Variants in IMMP1L observed in about 807,000 individuals in gnomAD.
The protein encoded by IMMP1L is mitochondrial inner membrane protease subunit 1.
IMMP1L carries 24 observed loss-of-function variants against 21.8 expected under a neutral mutation model. That is an observed-to-expected ratio of 1.10 (90% CI 0.80 to 1.55). IMMP1L has a LOEUF of 1.55. Among genes scored for constraint, IMMP1L ranks in the 40% most tolerant of loss-of-function variants. The pLI is 0.00. For missense variants in IMMP1L, 195 were observed against 200.7 expected (o/e 0.97, Z 0.17); for synonymous variants, 46 against 62.8 (o/e 0.73, Z 1.26).
intron 1 of IMMP1L, among the ~76,000 whole-genome samples, chr11:31,487,015 T>C (rs192974620): frequency 6.6e-6 from 1 of 151,860 alleles, no homozygotes; most frequent in Admixed American, 6.6e-5. Context: ...CAAAGATGTA[T>C]GCTAAATATT....
At chr11:31,470,438 A>C (rs192575876) in intron 1 of IMMP1L, among the ~76,000 whole-genome samples, 7 of 152,156 alleles carry the variant, frequency 4.6e-5, no homozygotes, top group African/African-American at 1.4e-4. Context: ...AAAAAACAAA[A>C]AAAAAAAGAA....
At chr11:31,450,398 G>C (rs1470000995) in intron 4 of IMMP1L, among the ~76,000 whole-genome samples, 1 of 131,470 alleles carries the variant, frequency 7.6e-6, no homozygotes, top group Non-Finnish European at 1.5e-5. Context: ...CAATACTTTA[G>C]GAGACTTAAT....
In IMMP1L at chr11:31,443,976, G is replaced by A. The variant is rs146612029; in HGVS notation, c.322-10406C>T. 3.0e-3 allele frequency among the ~76,000 whole-genome samples: 452 copies of A among 152,166 alleles called. 2 individuals carry two copies. The highest frequency in any genetic ancestry group is 0.01 in the African/African-American group (416 of 41,512). On this transcript the variant is annotated intron_variant, in intron 4 of 5. Transcript: ENST00000532287. ...TCTAAGGCTTGACTTGCTCATTCTC[G>A]TGGCGATTGCAAGATAAGCTCTTTC...
In IMMP1L at chr11:31,457,188, T is replaced by C. The variant is rs546568198; in HGVS notation, c.195-802A>G. Among the ~76,000 whole-genome samples the C allele has an allele frequency of 1.6e-3, 243 of 152,050 alleles. 2 individuals are homozygous for C. Among genetic ancestry groups the C allele is most frequent in the African/African-American group, 5.6e-3 (233 of 41,512 alleles). ...AATCAAAAGATACAACAAAATAAAA[T>C]GCTAAAAGCTGCCTAAATATACACT... On this transcript the variant is annotated intron_variant, in intron 3 of 5. Transcript: ENST00000532287.
At chr11:31,473,581 G>T in intron 1 of IMMP1L, 1 of 177,756 alleles carries the variant, frequency 5.6e-6, no homozygotes, top group Non-Finnish European at 1.1e-5. Flanking sequence ...TAGGACTGAT[G>T]TTAAAACCAG....
chr11:31,462,189 C>T (rs1954166098), intron 2 of IMMP1L, among the ~76,000 whole-genome samples: 1 of 151,866 alleles, frequency 6.6e-6, no homozygotes, highest in African/African-American at 2.4e-5. Context: ...GTGATGTGCG[C>T]CTGTAGTCCT....
chr11:31,435,947 AAAT>A (rs1161484679), intron 4 of IMMP1L, among the ~76,000 whole-genome samples: 8 of 152,216 alleles, frequency 5.3e-5, no homozygotes, highest in South Asian at 2.1e-4. Flanking sequence ...TAATTTTTGT[AAAT>A]AATAACTAAT....
At position 31,463,246 on chromosome 11, in the gene IMMP1L, G is replaced by A. The variant is rs758487097; in HGVS notation, c.31C>T (p.Arg11Ter). 38 of 1,612,440 alleles carry A rather than the reference G, an allele frequency of 2.4e-5. No individual in the cohort carries two copies. The highest frequency in any genetic ancestry group is 6.7e-5 in the African/African-American group (5 of 74,816). The change falls in exon 2 of 6, where the codon CGA becomes TGA. Residue 11 changes from arginine to a stop codon, truncating the protein, a stop_gained. Coordinates refer to ENST00000532287, the MANE Select transcript of IMMP1L (RefSeq NM_001304274.2). LOFTEE classifies it high-confidence loss of function. Reference sequence around the variant, plus strand: ...TATTGAATAGTATAGCCAACAAGTCGAAAGGTTTTCCCCAGAACACCACGA... The same window carrying A: ...TATTGAATAGTATAGCCAACAAGTCAAAAGGTTTTCCCCAGAACACCACGA... MLRGVLGKTF[R>*]LVGYTIQYGC...
At chr11:31,446,112 A>T (rs1314858104) in intron 4 of IMMP1L, among the ~76,000 whole-genome samples, 2 of 152,130 alleles carry the variant, frequency 1.3e-5, no homozygotes, top group African/African-American at 4.8e-5. Context: ...CATCTCCCCC[A>T]ACAACCCTAT....
intron 1 of IMMP1L, among the ~76,000 whole-genome samples, chr11:31,478,039 G>A (rs1954779875): frequency 6.6e-6 from 1 of 152,110 alleles, no homozygotes. Flanking sequence ...AATAAGCTAA[G>A]GATCACAAAA....
chr11:31,487,297 C>T (rs114379570), intron 1 of IMMP1L, among the ~76,000 whole-genome samples: 2,113 of 152,076 alleles, frequency 0.014, 46 homozygotes, highest in African/African-American at 0.048. Flanking sequence ...ATCAGTTATC[C>T]TGCTAGATCT....
chr11:31,480,393 A>G (rs1954856550), intron 1 of IMMP1L, among the ~76,000 whole-genome samples: 1 of 152,102 alleles, frequency 6.6e-6, no homozygotes, highest in Non-Finnish European at 1.5e-5. Flanking sequence ...ATTTATAGAA[A>G]TAAGTAAAAC....
chr11:31,478,425 T>C (rs1484984536), intron 1 of IMMP1L, among the ~76,000 whole-genome samples: 1 of 152,218 alleles, frequency 6.6e-6, no homozygotes, highest in Non-Finnish European at 1.5e-5. Context: ...TGTCTAGAAA[T>C]TAACATCTTG....
intron 1 of IMMP1L, among the ~76,000 whole-genome samples, chr11:31,465,893 C>A (rs890282218): frequency 5.3e-5 from 8 of 151,744 alleles, no homozygotes; most frequent in Non-Finnish European, 1.2e-4. Context: ...GCTAAGAAAT[C>A]AAAAGAACAG....
chr11:31,506,859 C>T (rs1955793269), intron 1 of IMMP1L, among the ~76,000 whole-genome samples: 2 of 151,902 alleles, frequency 1.3e-5, no homozygotes, highest in African/African-American at 2.4e-5. Flanking sequence ...ACTCAGGAGG[C>T]TGAGGCAGGA....
At chr11:31,499,014 T>G in intron 1 of IMMP1L, among the ~76,000 whole-genome samples, 1 of 152,332 alleles carries the variant, frequency 6.6e-6, no homozygotes. Flanking sequence ...TCAAATATCA[T>G]GCCTAAATGG....
intron 4 of IMMP1L, among the ~76,000 whole-genome samples, chr11:31,436,248 G>T (rs1402599903): frequency 3.9e-5 from 6 of 152,048 alleles, no homozygotes; most frequent in Non-Finnish European, 8.8e-5. Flanking sequence ...ATATCCATAT[G>T]CTTTTTAAAA....
intron 4 of IMMP1L, among the ~76,000 whole-genome samples, chr11:31,437,442 T>C (rs929354999): frequency 6.6e-6 from 1 of 152,212 alleles, no homozygotes; most frequent in African/African-American, 2.4e-5. Context: ...TTTGGGAGCA[T>C]ATTGGATTTC....
At chr11:31,479,350 T>C (rs531933927) in intron 1 of IMMP1L, among the ~76,000 whole-genome samples, 3 of 152,144 alleles carry the variant, frequency 2.0e-5, no homozygotes, top group South Asian at 2.1e-4. Context: ...GGTGACACAA[T>C]TGGATTTTAT....
Sources: gnomAD v4.1 joint callset for allele counts (sites outside exome capture counted in the v4.1 genomes callset) on GRCh38, gnomAD v4.1.1 for gene constraint, MANE v1.5 for transcripts, NCBI Gene and HGNC (gene_info 2026-07-23, HGNC 2026-07-21) for gene names.